SMC5: variants seen among roughly 807,000 people sequenced by gnomAD.
The protein encoded by SMC5 is structural maintenance of chromosomes 5.
In SMC5, 88 loss-of-function variants were observed where a neutral mutation model predicts 148.3. The observed-to-expected ratio is 0.59, with a 90% CI of 0.50 to 0.71. SMC5 has a LOEUF of 0.71. Among genes scored for constraint, SMC5 ranks in the 30% least tolerant of loss-of-function variants. SMC5 has a pLI of 0.00. For synonymous variants in SMC5, 421 were observed against 432.8 expected (o/e 0.97, Z 0.34); for missense variants, 1,142 against 1,298.9 (o/e 0.88, Z 1.86).
chr9:70,279,554 C>G (rs577471182), intron 5 of SMC5, among the ~76,000 whole-genome samples: 2 of 151,966 alleles, frequency 1.3e-5, no homozygotes, highest in African/African-American at 4.8e-5. Flanking sequence ...TGGTGGCTCA[C>G]GCCTGTAATC....
At chr9:70,292,198 T>C (rs1161816880) in intron 8 of SMC5, among the ~76,000 whole-genome samples, 1 of 152,200 alleles carries the variant, frequency 6.6e-6, no homozygotes, top group Non-Finnish European at 1.5e-5. Context: ...GACATCCAAA[T>C]CTTTTCTATA....
chr9:70,340,485 T>C (rs1003004982), intron 17 of SMC5, among the ~76,000 whole-genome samples: 3 of 152,116 alleles, frequency 2.0e-5, no homozygotes, highest in African/African-American at 7.2e-5. Flanking sequence ...ATGATTTTTA[T>C]ATTTTTAAGT....
At chr9:70,289,131 C>T (rs1288094583) in intron 8 of SMC5, among the ~76,000 whole-genome samples, 13 of 151,872 alleles carry the variant, frequency 8.6e-5, no homozygotes, top group Admixed American at 4.6e-4. Context: ...TCTGCCTCCC[C>T]GGTTCAAGCG....
intron 8 of SMC5, among the ~76,000 whole-genome samples, chr9:70,291,484 C>T (rs2035059058): frequency 6.6e-6 from 1 of 152,118 alleles, no homozygotes; most frequent in Admixed American, 6.6e-5. Context: ...TGTACATAGC[C>T]CTGGGCATGC....
intron 17 of SMC5, among the ~76,000 whole-genome samples, chr9:70,326,505 ATAGTATGT>A (rs2036080348): frequency 6.6e-6 from 1 of 152,114 alleles, no homozygotes; most frequent in Non-Finnish European, 1.5e-5. Flanking sequence ...AGAAAACTTT[ATAGTATGT>A]TACTATCAAA....
chr9:70,343,414 A>T (rs1368696808), intron 17 of SMC5, among the ~76,000 whole-genome samples: 5 of 152,184 alleles, frequency 3.3e-5, no homozygotes, highest in Non-Finnish European at 7.3e-5. Flanking sequence ...AAATACATGG[A>T]AGGTACTTGG....
chr9:70,312,184 T>G (rs1452089833), intron 11 of SMC5: 3 of 146,500 alleles, frequency 2.0e-5, no homozygotes, highest in African/African-American at 7.7e-5. Context: ...GCAAAAGAGA[T>G]TTAATTGACT....
chr9:70,264,764 T>A (rs1331438686), intron 2 of SMC5, among the ~76,000 whole-genome samples: 1 of 152,220 alleles, frequency 6.6e-6, no homozygotes, highest in Non-Finnish European at 1.5e-5. Flanking sequence ...TCCAGTCATA[T>A]GTTGCTTAAT....
At chr9:70,273,785 C>G (rs2034513455) in intron 3 of SMC5, among the ~76,000 whole-genome samples, 1 of 152,112 alleles carries the variant, frequency 6.6e-6, no homozygotes, top group Non-Finnish European at 1.5e-5. Flanking sequence ...TATAGAGATA[C>G]TGGTTTTATG....
chr9:70,284,914 G>A (rs2034855175), intron 7 of SMC5, among the ~76,000 whole-genome samples: 3 of 151,816 alleles, frequency 2.0e-5, no homozygotes, highest in Non-Finnish European at 4.4e-5. Context: ...ATTCCAGGCA[G>A]GTGATGAAGT....
intron 1 of SMC5, among the ~76,000 whole-genome samples, chr9:70,263,650 C>T (rs1007180546): frequency 6.6e-6 from 1 of 152,192 alleles, no homozygotes; most frequent in Admixed American, 6.5e-5. Flanking sequence ...TGCTAGTCAG[C>T]TTTCAACTTT....
At chr9:70,290,823 CAAT>C (rs2035037404) in intron 8 of SMC5, among the ~76,000 whole-genome samples, 1 of 152,146 alleles carries the variant, frequency 6.6e-6, no homozygotes, top group Non-Finnish European at 1.5e-5. Context: ...GACTGAGTTT[CAAT>C]GTGAAAGTAA....
At chr9:70,286,312 C>T in intron 8 of SMC5, 41 bp downstream of exon 8, 2 of 1,316,420 alleles carry the variant, frequency 1.5e-6, no homozygotes, top group Non-Finnish European at 2.2e-6. Flanking sequence ...TTAAAGTTTG[C>T]TCTAACTTTT....
Position 70,278,603 on chromosome 9 carries a change from G to A in SMC5, c.656G>A (p.Arg219Lys). Residue 219 changes from arginine to lysine, a missense_variant, in exon 5 of 25, where the codon AGG becomes AAG. Coordinates refer to ENST00000361138, the MANE Select transcript of SMC5 (RefSeq NM_015110.4). ...HKYHCELKNL[R>K]EKEKQLETSC... ...TATCACTGTGAACTCAAAAACTTAA[G>A]GGAGAAAGAAAAACAGCTCGAGGTA... is the stretch of plus-strand genomic sequence containing the variant. 6.2e-7 allele frequency: 1 copy of A among 1,602,452 alleles called. No individual in the cohort carries two copies. The highest frequency in any genetic ancestry group is 1.1e-5 in the South Asian group (1 of 88,784).
chr9:70,327,741 A>G (rs1374196193), intron 17 of SMC5, among the ~76,000 whole-genome samples: 1 of 152,180 alleles, frequency 6.6e-6, no homozygotes, highest in Non-Finnish European at 1.5e-5. Flanking sequence ...CAGCATCACA[A>G]AAAGATAGCC....
intron 2 of SMC5, among the ~76,000 whole-genome samples, chr9:70,266,106 A>G (rs1046697084): frequency 1.3e-5 from 2 of 152,206 alleles, no homozygotes; most frequent in African/African-American, 4.8e-5. Context: ...TCATAAAGCA[A>G]GTATCAAAAA....
intron 13 of SMC5, 49 bp from the exon 14 acceptor site, chr9:70,318,465 A>C (rs1438323321): frequency 7.5e-7 from 1 of 1,341,130 alleles, no homozygotes; most frequent in African/African-American, 1.5e-5. Flanking sequence ...AGTACTTTAA[A>C]ACATATAATT....
chr9:70,266,976 A>G (rs2034307635), intron 2 of SMC5, among the ~76,000 whole-genome samples: 2 of 151,612 alleles, frequency 1.3e-5, no homozygotes, highest in East Asian at 3.9e-4. Context: ...TAGATAGTAG[A>G]TGTTAAAACC....
chr9:70,310,810 A>G (rs540252700), intron 11 of SMC5: 3 of 152,366 alleles, frequency 2.0e-5, no homozygotes, highest in African/African-American at 7.2e-5. Flanking sequence ...TGCAGCTTCT[A>G]CATCAGCATT....
Sources: allele counts gnomAD v4.1 joint callset (sites outside exome capture counted in the v4.1 genomes callset), GRCh38; gene constraint gnomAD v4.1.1; transcripts MANE v1.5; gene names NCBI Gene and HGNC (gene_info 2026-07-23, HGNC 2026-07-21).